Variants in CAND2 observed in about 807,000 individuals in gnomAD.
The protein encoded by CAND2 is cullin associated and neddylation dissociated 2 (putative).
In CAND2, 62 loss-of-function variants were observed where a neutral mutation model predicts 98.9. That is an observed-to-expected ratio of 0.63 (90% CI 0.51 to 0.77). CAND2 has a LOEUF of 0.77. Among genes scored for constraint, CAND2 ranks in the 30% least tolerant of loss-of-function variants. CAND2 has a pLI of 0.00. For missense variants in CAND2, 1,501 were observed against 1,655.2 expected (o/e 0.91, Z 1.62); for synonymous variants, 770 against 731.9 (o/e 1.05, Z -0.84).
At chr3:12,814,378 C>T (rs891227843) in intron 7 of CAND2, among the ~76,000 whole-genome samples, 1 of 152,200 alleles carries the variant, frequency 6.6e-6, no homozygotes, top group Non-Finnish European at 1.5e-5. Context: ...TGCTGTTCCT[C>T]GCTGTGTGCC....
intron 5 of CAND2, 69 bp from the exon 6 acceptor site, chr3:12,812,921 A>G: frequency 1.1e-6 from 1 of 926,978 alleles, no homozygotes; most frequent in Non-Finnish European, 1.7e-6. Context: ...AGACAGTCTG[A>G]GTGCTGTGGG....
chr3:12,827,999 T>A (rs926472724), intron 13 of CAND2, among the ~76,000 whole-genome samples: 15 of 151,036 alleles, frequency 9.9e-5, no homozygotes, highest in Non-Finnish European at 1.0e-4. Context: ...AAAAAAAAAA[T>A]TCCCAGACGA....
At chr3:12,811,121 G>GGGT (rs142174492) in intron 5 of CAND2, among the ~76,000 whole-genome samples, 1 of 150,490 alleles carries the variant, frequency 6.6e-6, no homozygotes, top group South Asian at 2.1e-4. Flanking sequence ...ACACGGCGGG[G>GGGT]GGTGGGGGGG....
intron 1 of CAND2, among the ~76,000 whole-genome samples, chr3:12,798,482 T>C (rs1312027192): frequency 6.6e-6 from 1 of 152,188 alleles, no homozygotes; most frequent in African/African-American, 2.4e-5. Context: ...GCTTAGTGAA[T>C]GTTCGCTGGG....
In CAND2 at chr3:12,815,456, C is replaced by T; in HGVS notation, c.1299+23C>T. ...CAGGTGGGCGTGCCTTCACCTCCAC[C>T]CCTACCCCCGATTTGCCTACCCAGC... On this transcript the variant is annotated intron_variant, in intron 8 of 14. Coordinates refer to ENST00000456430, the MANE Select transcript of CAND2 (RefSeq NM_001162499.2). This position sits in a 1 kb window ranked among gnomAD's most constrained non-coding sequence, Gnocchi z 5.7. The T allele has an allele frequency of 6.3e-7, 1 of 1,589,584 alleles. No individual in the cohort carries two copies. Among genetic ancestry groups the T allele is most frequent in the Admixed American group, 1.7e-5 (1 of 59,004 alleles).
At chr3:12,803,981 T>C (rs1325672138) in intron 2 of CAND2, among the ~76,000 whole-genome samples, 2 of 152,042 alleles carry the variant, frequency 1.3e-5, no homozygotes, top group African/African-American at 4.8e-5. Flanking sequence ...CCTTGGACTT[T>C]TCCCACTCAA....
At chr3:12,796,811 T>TTC in intron 1 of CAND2, 23 bp downstream of exon 1, 1 of 1,558,924 alleles carries the variant, frequency 6.4e-7, no homozygotes, top group South Asian at 1.2e-5. Flanking sequence ...GCCGGCCCCC[T>TTC]TCTCTCCTTC....
At chr3:12,798,183 G>T (rs1444173017) in intron 1 of CAND2, among the ~76,000 whole-genome samples, 1 of 152,066 alleles carries the variant, frequency 6.6e-6, no homozygotes, top group Non-Finnish European at 1.5e-5. Flanking sequence ...CTTCATAAAC[G>T]GACACTGTTA....
At chr3:12,819,118 C>A (rs990777765) in intron 10 of CAND2, among the ~76,000 whole-genome samples, 1 of 152,194 alleles carries the variant, frequency 6.6e-6, no homozygotes, top group African/African-American at 2.4e-5. Context: ...TGCCTTCAGT[C>A]GTCCTTGGCC....
chr3:12,808,465 G>C (rs937363344), intron 4 of CAND2, 132 bp downstream of exon 4: 1 of 1,017,790 alleles, frequency 9.8e-7, no homozygotes, highest in East Asian at 2.7e-5. Flanking sequence ...CAGCAGCCTC[G>C]TAAAGGAGAA....
intron 10 of CAND2, 61 bp downstream of exon 10, chr3:12,817,937 A>G (rs1402547479): frequency 1.4e-6 from 2 of 1,426,294 alleles, no homozygotes; most frequent in African/African-American, 1.4e-5. Context: ...GCCACTGAGC[A>G]TCCAGGCAGC....
intron 14 of CAND2, 61 bp downstream of exon 14, chr3:12,831,633 C>T (rs2062054716): frequency 3.3e-5 from 29 of 869,548 alleles, no homozygotes; most frequent in South Asian, 4.8e-5. Flanking sequence ...CTCGGCCAGT[C>T]GTTCAGTTAC....
intron 1 of CAND2, among the ~76,000 whole-genome samples, chr3:12,802,512 G>C (rs1279817047): frequency 6.6e-6 from 1 of 152,190 alleles, no homozygotes; most frequent in Non-Finnish European, 1.5e-5. Flanking sequence ...ACTAAGGCTT[G>C]GAGAGGTGAA....
At chr3:12,810,754 C>A (rs1044936035) in intron 5 of CAND2, among the ~76,000 whole-genome samples, 1 of 152,222 alleles carries the variant, frequency 6.6e-6, no homozygotes, top group Non-Finnish European at 1.5e-5. Context: ...AGTAACAGCC[C>A]ATGAGCCAAG....
intron 12 of CAND2, among the ~76,000 whole-genome samples, chr3:12,826,118 T>G (rs2061997142): frequency 6.6e-6 from 1 of 152,168 alleles, no homozygotes; most frequent in Non-Finnish European, 1.5e-5. Context: ...TGGTTCAACT[T>G]TACAATGGTG....
intron 10 of CAND2, among the ~76,000 whole-genome samples, chr3:12,818,272 A>G (rs1251905463): frequency 6.8e-6 from 1 of 146,300 alleles, no homozygotes; most frequent in African/African-American, 2.8e-5. Flanking sequence ...CAAAAAAAAA[A>G]ACAAAACAAA....
At chr3:12,809,078 C>T (rs967449906) in intron 4 of CAND2, among the ~76,000 whole-genome samples, 8 of 151,892 alleles carry the variant, frequency 5.3e-5, no homozygotes, top group Non-Finnish European at 1.0e-4. Flanking sequence ...GAAAGCAATT[C>T]GGGTTGTATT....
intron 13 of CAND2, among the ~76,000 whole-genome samples, chr3:12,829,237 C>T (rs891084142): frequency 1.3e-5 from 2 of 152,188 alleles, no homozygotes; most frequent in Admixed American, 1.3e-4. Context: ...CCTCCGCCTC[C>T]CGGGTTCAAG....
chr3:12,809,945 A>G (rs1575767053), intron 4 of CAND2, 114 bp from the exon 5 acceptor site: 3 of 1,209,190 alleles, frequency 2.5e-6, no homozygotes, highest in East Asian at 6.2e-5. Context: ...TGCAAGGGCC[A>G]TTGAGTTGCC....
Sources: allele counts gnomAD v4.1 joint callset (sites outside exome capture counted in the v4.1 genomes callset), GRCh38; gene constraint gnomAD v4.1.1; non-coding constraint Gnocchi (gnomAD v3.1); transcripts MANE v1.5; gene names NCBI Gene and HGNC (gene_info 2026-07-23, HGNC 2026-07-21).